The following TTC27 variants were observed in gnomAD, a reference collection of about 807,000 sequenced individuals.
TTC27 encodes tetratricopeptide repeat domain 27, also known as tetratricopeptide repeat protein 27.
In TTC27, 79 loss-of-function variants were observed where a neutral mutation model predicts 115.9. That is an observed-to-expected ratio of 0.68 (90% CI 0.57 to 0.82). The LOEUF (loss-of-function observed/expected upper bound fraction) is 0.82, where lower values mean the gene tolerates loss of function less well. Among genes scored for constraint, TTC27 ranks in the 40% least tolerant of loss-of-function variants. The probability of loss-of-function intolerance (pLI) is 0.00; values close to 1 mark genes in which losing one functional copy is unlikely to be tolerated. For synonymous variants in TTC27, 401 were observed against 356.0 expected (o/e 1.13, Z -1.42); for missense variants, 1,054 against 993.1 (o/e 1.06, Z -0.82).
chr2:32,747,966 A>C (rs1668884932), intron 12 of TTC27, among the ~76,000 whole-genome samples: 1 of 151,840 alleles, frequency 6.6e-6, no homozygotes, highest in Non-Finnish European at 1.5e-5. Context: ...TTTTAAATTT[A>C]TACCCTAATT....
intron 13 of TTC27, among the ~76,000 whole-genome samples, chr2:32,771,164 C>A (rs111935535): frequency 0.01 from 1,566 of 152,278 alleles, 16 homozygotes; most frequent in Middle Eastern, 0.031. Context: ...CTTCATCTTT[C>A]TGAGCTTTTA....
chr2:32,679,001 GT>G, intron 9 of TTC27, 79 bp downstream of exon 9: 1 of 1,293,178 alleles, frequency 7.7e-7, no homozygotes, highest in Non-Finnish European at 1.1e-6. Flanking sequence ...GCCTTGGATT[GT>G]TTATGTTGAA....
intron 13 of TTC27, among the ~76,000 whole-genome samples, chr2:32,759,718 C>G (rs1258206728): frequency 6.6e-6 from 1 of 152,236 alleles, no homozygotes; most frequent in East Asian, 1.9e-4. Context: ...TTAAACAACT[C>G]CCTGTTTCCC....
chr2:32,641,763 C>T (rs1378998067), intron 4 of TTC27, among the ~76,000 whole-genome samples: 1 of 152,202 alleles, frequency 6.6e-6, no homozygotes, highest in Non-Finnish European at 1.5e-5. Context: ...ACCACAACCT[C>T]CACCTCCTGG....
At chr2:32,677,261 C>T (rs72858156) in intron 8 of TTC27, among the ~76,000 whole-genome samples, 3 of 152,184 alleles carry the variant, frequency 2.0e-5, no homozygotes, top group South Asian at 4.1e-4. Flanking sequence ...GATGAATATA[C>T]AACAATTTGT....
intron 10 of TTC27, among the ~76,000 whole-genome samples, chr2:32,706,077 C>CTTTTTTTTTTTTTTTTTTTTT (rs148953090): frequency 1.9e-5 from 1 of 53,220 alleles, no homozygotes; most frequent in Non-Finnish European, 3.2e-5. Context: ...TTACCTTACT[C>CTTTTTTTTTTTTTTTTTTTTT]TTTTTTTTTT....
Position 32,640,302 on chromosome 2 carries a change from G to C in TTC27, c.429G>C (p.Leu143=). The stretch of plus-strand genomic sequence containing the variant: ...GACTGGATGCATTTGTTCTGAGCCT[G>C]CTCACTCTAGATGGTGAATCAATCT... ...VKGLDAFVLS[L]LTLDGESIYS... is the part of the protein sequence containing the mutation. Residue 143 remains leucine, a synonymous_variant, in exon 4 of 20, where the codon CTG becomes CTC. Transcript: ENST00000317907. The C allele has an allele frequency of 6.2e-7, 1 of 1,614,010 alleles. No homozygotes were observed. Among genetic ancestry groups the C allele is most frequent in the Non-Finnish European group, 8.5e-7 (1 of 1,179,970 alleles).
chr2:32,634,575 G>A (rs933219352), intron 3 of TTC27, among the ~76,000 whole-genome samples: 3 of 149,182 alleles, frequency 2.0e-5, no homozygotes, highest in Non-Finnish European at 4.5e-5. Context: ...AGGTGTGAGC[G>A]CTGTACATAA....
At chr2:32,727,570 A>G (rs1180565725) in intron 10 of TTC27, among the ~76,000 whole-genome samples, 1 of 152,200 alleles carries the variant, frequency 6.6e-6, no homozygotes, top group African/African-American at 2.4e-5. Flanking sequence ...TCCCTGTTCA[A>G]TTACCTATCT....
intron 5 of TTC27, among the ~76,000 whole-genome samples, chr2:32,656,472 T>C (rs1665325290): frequency 6.6e-6 from 1 of 152,170 alleles, no homozygotes; most frequent in Admixed American, 6.5e-5. Context: ...CTTTGTGAAT[T>C]TGGGAATTCC....
intron 4 of TTC27, among the ~76,000 whole-genome samples, chr2:32,640,842 C>T (rs906898683): frequency 3.9e-5 from 6 of 151,924 alleles, no homozygotes; most frequent in Admixed American, 6.6e-5. Context: ...ATTAGCTGGG[C>T]GCAGTGGCGT....
intron 9 of TTC27, among the ~76,000 whole-genome samples, chr2:32,691,432 G>T (rs1666805952): frequency 6.6e-6 from 1 of 151,610 alleles, no homozygotes; most frequent in Admixed American, 6.6e-5. Context: ...CCAAGTAGCT[G>T]GGATTACAGG....
intron 10 of TTC27, among the ~76,000 whole-genome samples, chr2:32,707,027 G>A (rs1667397829): frequency 6.6e-6 from 1 of 152,190 alleles, no homozygotes; most frequent in Non-Finnish European, 1.5e-5. Context: ...GGGAATGTGT[G>A]CTGTCCTGGC....
intron 5 of TTC27, among the ~76,000 whole-genome samples, chr2:32,660,367 A>C (rs559119035): frequency 6.6e-6 from 1 of 152,202 alleles, no homozygotes; most frequent in Non-Finnish European, 1.5e-5. Flanking sequence ...TCAATGATAG[A>C]CTGGATAAAG....
rs368733979 is a variant in TTC27, at chr2:32,722,628, T to C, written c.1234-11200T>C. Among the ~76,000 whole-genome samples, 5 of 152,332 alleles carry C rather than the reference T, an allele frequency of 3.3e-5. No homozygotes were observed. In the East Asian group the frequency reaches 5.8e-4, roughly 18 times the overall value. On this transcript the variant is annotated intron_variant, in intron 10 of 19. Transcript: ENST00000317907. Reference sequence around the variant, plus strand: ...CATGCTTTTATCCACCATGCCCTACTTTCTAAGGAAGCTATGAGAACTGGC... The same window carrying C: ...CATGCTTTTATCCACCATGCCCTACCTTCTAAGGAAGCTATGAGAACTGGC...
chr2:32,666,221 C>A (rs1350506527), intron 6 of TTC27, among the ~76,000 whole-genome samples: 1 of 152,178 alleles, frequency 6.6e-6, no homozygotes, highest in East Asian at 1.9e-4. Context: ...CCAAAAGATC[C>A]TGGCTTTAAG....
intron 16 of TTC27, among the ~76,000 whole-genome samples, chr2:32,792,633 A>G (rs897397854): frequency 6.6e-6 from 1 of 152,152 alleles, no homozygotes; most frequent in Non-Finnish European, 1.5e-5. Flanking sequence ...CAAGTGGAGC[A>G]GGGAGCTAGC....
At chr2:32,790,865 T>C (rs1670512269) in intron 16 of TTC27, among the ~76,000 whole-genome samples, 1 of 152,196 alleles carries the variant, frequency 6.6e-6, no homozygotes, top group African/African-American at 2.4e-5. Flanking sequence ...ACATGGACTC[T>C]TTATGGTTTT....
Position 32,682,844 on chromosome 2 carries a change from GTTGTTTTT to G in TTC27, c.1119+3925_1119+3932del, listed in dbSNP as rs1228941837. On this transcript the variant is annotated intron_variant, in intron 9 of 19. Coordinates refer to ENST00000317907, the MANE Select transcript of TTC27 (RefSeq NM_017735.5). ...CCACCACACCCGGATAATTTTTATT[GTTGTTTTT>G]TTTTTTTTTTTTTTTTTTGAGACAG... is the stretch of plus-strand genomic sequence containing the variant. Among the ~76,000 whole-genome samples the G allele has an allele frequency of 4.0e-4, 23 of 56,984 alleles. 1 individual carries two copies. Among genetic ancestry groups the G allele is most frequent in the African/African-American group, 5.3e-4 (7 of 13,304 alleles). The allele number at this position is 56,984 out of a possible 152,430, so 37.4% of individuals were successfully genotyped here.
Sources: allele counts gnomAD v4.1 joint callset (sites outside exome capture counted in the v4.1 genomes callset), GRCh38; gene constraint gnomAD v4.1.1; transcripts MANE v1.5; gene names NCBI Gene and HGNC (gene_info 2026-07-23, HGNC 2026-07-21).